CDH8: variants seen among roughly 807,000 people sequenced by gnomAD.
CDH8 encodes cadherin-8.
A neutral mutation model predicts 68.1 loss-of-function variants in CDH8; 17 were observed. The ratio of observed to expected loss-of-function variants is 0.25; its 90% CI spans 0.17 to 0.37. The LOEUF (loss-of-function observed/expected upper bound fraction) is 0.37. CDH8 is among the 10% of genes least tolerant of loss of function. The pLI, the probability that CDH8 is intolerant of heterozygous loss-of-function variation, is 1.00. For synonymous variants in CDH8, 372 were observed against 365.1 expected (o/e 1.02, Z -0.21); for missense variants, 763 against 999.3 (o/e 0.76, Z 3.19).
Position 61,790,499 on chromosome 16 carries a change from A to G in CDH8, c.1278-1017T>C, listed in dbSNP as rs1455910081. 2.0e-5 allele frequency among the ~76,000 whole-genome samples: 3 copies of G among 152,020 alleles called. 1 individual carries two copies. The highest frequency in any genetic ancestry group is 4.1e-4 in the South Asian group (2 of 4,834). ...ATATGCAATTGCATTTCAGGAAGAAAGACTGAAGAAGGCCTTCATGATTGA... is the reference window on the plus strand; with the variant it reads ...ATATGCAATTGCATTTCAGGAAGAAGGACTGAAGAAGGCCTTCATGATTGA... On this transcript the variant is annotated intron_variant, in intron 7 of 11. Coordinates refer to ENST00000577390, the MANE Select transcript of CDH8 (RefSeq NM_001796.5).
intron 2 of CDH8, among the ~76,000 whole-genome samples, chr16:62,001,606 G>C (rs1409300168): frequency 6.6e-6 from 1 of 152,148 alleles, no homozygotes; most frequent in East Asian, 1.9e-4. Flanking sequence ...AGTTGCACTA[G>C]CTTCAAGCTA....
At chr16:61,735,175 C>G (rs1567445908) in intron 8 of CDH8, among the ~76,000 whole-genome samples, 2 of 151,990 alleles carry the variant, frequency 1.3e-5, no homozygotes, top group South Asian at 2.1e-4. Context: ...TCCCAAGATC[C>G]TTACTTAATT....
At chr16:61,692,953 G>A (rs1422093637) in intron 10 of CDH8, 3 of 152,044 alleles carry the variant, frequency 2.0e-5, no homozygotes, top group African/African-American at 7.2e-5. Context: ...AAAACAATTG[G>A]TAAAGTGCCT....
intron 8 of CDH8, among the ~76,000 whole-genome samples, chr16:61,762,522 A>G (rs1960496009): frequency 6.6e-6 from 1 of 152,170 alleles, no homozygotes; most frequent in Non-Finnish European, 1.5e-5. Context: ...GAACTGGTCC[A>G]GGTCAATGGT....
intron 2 of CDH8, among the ~76,000 whole-genome samples, chr16:61,954,088 T>G (rs1363455106): frequency 6.6e-6 from 1 of 151,926 alleles, no homozygotes; most frequent in Non-Finnish European, 1.5e-5. Flanking sequence ...ACACCATGTT[T>G]GCAATGTATA....
At chr16:61,831,392 C>G (rs1418725451) in intron 4 of CDH8, among the ~76,000 whole-genome samples, 2 of 151,694 alleles carry the variant, frequency 1.3e-5, no homozygotes, top group Non-Finnish European at 2.9e-5. Flanking sequence ...GTTTGATTCT[C>G]CTGTATTTAA....
chr16:61,755,687 C>T (rs1024059458), intron 8 of CDH8, among the ~76,000 whole-genome samples: 9 of 151,952 alleles, frequency 5.9e-5, no homozygotes, highest in Admixed American at 3.3e-4. Context: ...GTGTTATCCA[C>T]GCATCACACA....
intron 2 of CDH8, among the ~76,000 whole-genome samples, chr16:61,933,883 G>A (rs936201168): frequency 1.3e-5 from 2 of 152,084 alleles, no homozygotes; most frequent in Non-Finnish European, 2.9e-5. Context: ...GTAGTATAGC[G>A]AGAACAATTT....
At chr16:61,772,969 C>A (rs1047048223) in intron 8 of CDH8, among the ~76,000 whole-genome samples, 3 of 151,988 alleles carry the variant, frequency 2.0e-5, no homozygotes, top group African/African-American at 4.8e-5. Flanking sequence ...CTATATTTTC[C>A]TATTTCAATG....
intron 10 of CDH8, among the ~76,000 whole-genome samples, chr16:61,671,938 A>G (rs1256487593): frequency 6.6e-6 from 1 of 152,096 alleles, no homozygotes; most frequent in Non-Finnish European, 1.5e-5. Context: ...CATCAAACTC[A>G]TTCAAACTCT....
chr16:61,914,325 C>T lies in CDH8; in HGVS notation c.253-12852G>A, dbSNP rs563532422. ...AAGCATACTAATTATCAATGAATAC[C>T]TTATAGATGCAAAATGATGGCTGCA... On this transcript the variant is annotated intron_variant, in intron 2 of 11. Coordinates refer to ENST00000577390, the MANE Select transcript of CDH8 (RefSeq NM_001796.5). Among the ~76,000 whole-genome samples the T allele has an allele frequency of 1.7e-3, 263 of 152,188 alleles. 3 individuals are homozygous for T. The Middle Eastern group carries it at 0.02, about 12-fold the overall frequency.
At chr16:61,711,007 A>T (rs1429342767) in intron 10 of CDH8, among the ~76,000 whole-genome samples, 2 of 151,882 alleles carry the variant, frequency 1.3e-5, no homozygotes. Flanking sequence ...AGGTGCTTTG[A>T]TTTTTTGGTG....
chr16:61,655,242 G>A (rs1023306512), intron 11 of CDH8, among the ~76,000 whole-genome samples: 3 of 152,062 alleles, frequency 2.0e-5, no homozygotes, highest in Non-Finnish European at 4.4e-5. Flanking sequence ...TCGCTTTATT[G>A]GTGATGGAAT....
At chr16:62,027,593 C>G (rs1208187128) in intron 1 of CDH8, among the ~76,000 whole-genome samples, 1 of 152,168 alleles carries the variant, frequency 6.6e-6, no homozygotes, top group African/African-American at 2.4e-5. Context: ...ATGTTTCTGA[C>G]CTTGAATTTA....
chr16:61,893,415 AGTGTGT>A (rs139637026), intron 3 of CDH8, among the ~76,000 whole-genome samples: 84 of 145,740 alleles, frequency 5.8e-4, no homozygotes, highest in African/African-American at 3.8e-4. Context: ...TGTGTGTGTG[AGTGTGT>A]GTGTGTGTGT....
chr16:61,851,557 C>T (rs1425150657), intron 4 of CDH8, among the ~76,000 whole-genome samples: 2 of 151,922 alleles, frequency 1.3e-5, no homozygotes, highest in Non-Finnish European at 2.9e-5. Context: ...TCACTGCTGT[C>T]CTCAAATTAG....
intron 8 of CDH8, among the ~76,000 whole-genome samples, chr16:61,771,772 T>C (rs563627908): frequency 8.1e-4 from 123 of 152,142 alleles, no homozygotes; most frequent in Non-Finnish European, 1.5e-3. Flanking sequence ...TATTGAATAC[T>C]ATAGTTTCTT....
At chr16:61,936,584 G>C (rs1158537123) in intron 2 of CDH8, among the ~76,000 whole-genome samples, 5 of 152,156 alleles carry the variant, frequency 3.3e-5, no homozygotes, top group Non-Finnish European at 7.3e-5. Context: ...GCCTCCCAAA[G>C]AGGCATGTTC....
At chr16:61,831,426 T>C (rs1429690433) in intron 4 of CDH8, among the ~76,000 whole-genome samples, 1 of 151,822 alleles carries the variant, frequency 6.6e-6, no homozygotes, top group Non-Finnish European at 1.5e-5. Context: ...CTTTATGTTA[T>C]TCAATCAAAT....
Sources: gnomAD v4.1 joint callset for allele counts (sites outside exome capture counted in the v4.1 genomes callset) on GRCh38, gnomAD v4.1.1 for gene constraint, MANE v1.5 for transcripts, NCBI Gene and HGNC (gene_info 2026-07-23, HGNC 2026-07-21) for gene names.